RBFOX1: variants seen among roughly 807,000 people sequenced by gnomAD.
RBFOX1 encodes the protein RNA binding protein fox-1 homolog 1.
RBFOX1 carries 8 observed loss-of-function variants against 57.7 expected under a neutral mutation model. The observed-to-expected ratio is 0.14, with a 90% CI of 0.08 to 0.25. The LOEUF (loss-of-function observed/expected upper bound fraction) is 0.25. Ranked by LOEUF, RBFOX1 falls within the 10% of genes least tolerant of loss-of-function variation. The probability of loss-of-function intolerance (pLI) is 1.00; values close to 1 mark genes in which losing one functional copy is unlikely to be tolerated. For missense variants in RBFOX1, 611 were observed against 548.5 expected (o/e 1.11, Z -1.14); for synonymous variants, 326 against 222.4 (o/e 1.47, Z -4.15).
At chr16:6,740,146 G>A (rs561520979) in intron 3 of RBFOX1, among the ~76,000 whole-genome samples, 11 of 152,182 alleles carry the variant, frequency 7.2e-5, no homozygotes, top group African/African-American at 2.2e-4. Flanking sequence ...TCACTATACC[G>A]ATAGGTTCAA....
At chr16:5,663,267 G>A (rs1254853291) in intron 3 of RBFOX1, among the ~76,000 whole-genome samples, 1 of 152,102 alleles carries the variant, frequency 6.6e-6, no homozygotes, top group Non-Finnish European at 1.5e-5. Flanking sequence ...CTGGAGTGCA[G>A]TGGCACGAAC....
intron 1 of RBFOX1, among the ~76,000 whole-genome samples, chr16:6,243,018 T>G (rs17139662): frequency 0.12 from 18,769 of 152,200 alleles, 1,260 homozygotes; most frequent in Middle Eastern, 0.25. Context: ...CAAAAGGGGT[T>G]TCTGAATTGT....
intron 3 of RBFOX1, among the ~76,000 whole-genome samples, chr16:6,787,679 G>A (rs1603623759): frequency 6.6e-6 from 1 of 152,260 alleles, no homozygotes; most frequent in East Asian, 1.9e-4. Context: ...GCATCCCTGA[G>A]TGATTCATGA....
chr16:5,553,607 G>A (rs1476478627), intron 2 of RBFOX1, among the ~76,000 whole-genome samples: 2 of 150,842 alleles, frequency 1.3e-5, no homozygotes, highest in African/African-American at 4.9e-5. Flanking sequence ...GAGCCACCAC[G>A]CCCAGCCATG....
intron 13 of RBFOX1, among the ~76,000 whole-genome samples, chr16:7,666,924 G>C (rs967812975): frequency 6.6e-6 from 1 of 152,164 alleles, no homozygotes; most frequent in African/African-American, 2.4e-5. Flanking sequence ...TGAGCTTCAA[G>C]GACAGAGTTT....
intron 2 of RBFOX1, among the ~76,000 whole-genome samples, chr16:6,545,523 G>T (rs75687567): frequency 6.6e-6 from 1 of 152,048 alleles, no homozygotes; most frequent in Non-Finnish European, 1.5e-5. Flanking sequence ...GTGGTCACTT[G>T]GCAAGGTCCA....
intron 2 of RBFOX1, among the ~76,000 whole-genome samples, chr16:6,351,079 C>G (rs942839852): frequency 6.6e-6 from 1 of 151,996 alleles, no homozygotes; most frequent in African/African-American, 2.4e-5. Flanking sequence ...AGCAATGTGG[C>G]CAAAACTTAC....
intron 3 of RBFOX1, among the ~76,000 whole-genome samples, chr16:5,769,091 C>T (rs534433754): frequency 4.9e-4 from 75 of 152,016 alleles, no homozygotes; most frequent in African/African-American, 1.4e-3. Context: ...AAAAAAGAGT[C>T]AATTAAATAT....
chr16:6,064,239 C>A (rs1471810754), intron 1 of RBFOX1, among the ~76,000 whole-genome samples: 1 of 152,028 alleles, frequency 6.6e-6, no homozygotes, highest in Non-Finnish European at 1.5e-5. Flanking sequence ...AAATCTGAAG[C>A]CCTAGGTTTA....
At chr16:7,210,195 C>T (rs2090846860) in intron 4 of RBFOX1, among the ~76,000 whole-genome samples, 1 of 152,162 alleles carries the variant, frequency 6.6e-6, no homozygotes, top group African/African-American at 2.4e-5. Context: ...ACACAAGAAA[C>T]ACAACCAATA....
intron 3 of RBFOX1, among the ~76,000 whole-genome samples, chr16:5,852,673 G>C (rs1420123041): frequency 2.0e-5 from 3 of 152,068 alleles, no homozygotes. Context: ...ATTTGTAAAA[G>C]GGGTTATGCA....
chr16:6,888,009 G>C (rs1039834769), intron 3 of RBFOX1, among the ~76,000 whole-genome samples: 1 of 151,966 alleles, frequency 6.6e-6, no homozygotes, highest in African/African-American at 2.4e-5. Flanking sequence ...TGGGGTTTTT[G>C]TTTGGGTGAT....
intron 2 of RBFOX1, among the ~76,000 whole-genome samples, chr16:6,485,420 C>G (rs115006143): frequency 6.6e-6 from 1 of 151,968 alleles, no homozygotes; most frequent in Non-Finnish European, 1.5e-5. Context: ...TTTTCATCTA[C>G]GTGTATTTCT....
chr16:6,020,343 C>G (rs1312507031), intron 1 of RBFOX1, among the ~76,000 whole-genome samples: 1 of 152,150 alleles, frequency 6.6e-6, no homozygotes, highest in Non-Finnish European at 1.5e-5. Flanking sequence ...TTTGATTAGT[C>G]TCCCTGGCCG....
chr16:5,608,342 C>T (rs892493483), intron 3 of RBFOX1, among the ~76,000 whole-genome samples: 2 of 152,162 alleles, frequency 1.3e-5, no homozygotes, highest in Non-Finnish European at 1.5e-5. Flanking sequence ...GCAGTCATAG[C>T]ATACCATGAT....
intron 1 of RBFOX1, among the ~76,000 whole-genome samples, chr16:6,094,359 T>G (rs1388826259): frequency 6.6e-6 from 1 of 152,202 alleles, no homozygotes; most frequent in Non-Finnish European, 1.5e-5. Context: ...CAGGTGGCAC[T>G]TCTCAGCAAC....
At chr16:5,805,063 T>C (rs147764272) in intron 3 of RBFOX1, among the ~76,000 whole-genome samples, 2 of 152,222 alleles carry the variant, frequency 1.3e-5, no homozygotes, top group East Asian at 3.9e-4. Context: ...ATTGAGTTGT[T>C]TGAATCAAAA....
chr16:6,769,815 A>T (rs1046800198), intron 3 of RBFOX1, among the ~76,000 whole-genome samples: 1 of 152,180 alleles, frequency 6.6e-6, no homozygotes, highest in African/African-American at 2.4e-5. Context: ...TGCAGCAATG[A>T]TGCCACAAAA....
chr16:6,100,371 C>T (rs2096290435), intron 1 of RBFOX1, among the ~76,000 whole-genome samples: 1 of 152,172 alleles, frequency 6.6e-6, no homozygotes, highest in Admixed American at 6.5e-5. Flanking sequence ...ACCATGTTAG[C>T]CAGGATGGTC....
Sources: allele counts gnomAD v4.1 joint callset (sites outside exome capture counted in the v4.1 genomes callset), GRCh38; gene constraint gnomAD v4.1.1; transcripts MANE v1.5; gene names NCBI Gene and HGNC (gene_info 2026-07-23, HGNC 2026-07-21).